The following ZRANB3 variants were observed in gnomAD, a reference collection of about 807,000 sequenced individuals.
The protein encoded by ZRANB3 is DNA annealing helicase and endonuclease ZRANB3.
ZRANB3 carries 125 observed loss-of-function variants against 133.8 expected under a neutral mutation model. The observed-to-expected ratio is 0.93, with a 90% CI of 0.81 to 1.08. ZRANB3 has a LOEUF of 1.08. Among genes scored for constraint, ZRANB3 ranks in the 50% least tolerant of loss-of-function variants. The probability of loss-of-function intolerance (pLI) is 0.00; values close to 1 mark genes in which losing one functional copy is unlikely to be tolerated. For missense variants in ZRANB3, 1,229 were observed against 1,275.5 expected, an observed-to-expected ratio of 0.96 and a Z score of 0.56; for synonymous variants, 387 against 432.7, an observed-to-expected ratio of 0.89 and a Z score of 1.31.
At chr2:135,354,948 T>TA (rs1436741229) in intron 3 of ZRANB3, among the ~76,000 whole-genome samples, 7 of 152,176 alleles carry the variant, frequency 4.6e-5, no homozygotes, top group Non-Finnish European at 1.5e-5. Context: ...TTTTAGTAGT[T>TA]ACTATGGCAA....
intron 1 of ZRANB3, among the ~76,000 whole-genome samples, chr2:135,521,945 G>A (rs779570478): frequency 1.3e-5 from 2 of 152,110 alleles, no homozygotes; most frequent in Admixed American, 6.5e-5. Context: ...GACACCCATG[G>A]GGAGCCATGG....
chr2:135,461,413 T>C (rs1677046838), intron 2 of ZRANB3, among the ~76,000 whole-genome samples: 1 of 152,028 alleles, frequency 6.6e-6, no homozygotes, highest in South Asian at 2.1e-4. Context: ...CTACTAAAAA[T>C]ACAAAAAATT....
At chr2:135,502,182 G>T (rs1692980229) in intron 2 of ZRANB3, among the ~76,000 whole-genome samples, 1 of 151,974 alleles carries the variant, frequency 6.6e-6, no homozygotes, top group Non-Finnish European at 1.5e-5. Context: ...GTTTCCATTT[G>T]CCAAAAAACA....
chr2:135,210,322 T>TTTTAC lies in ZRANB3; in HGVS notation c.2496-1345_2496-1344insGTAAA, dbSNP rs1289205147. On this transcript the variant is annotated intron_variant, in intron 17 of 20. Coordinates refer to ENST00000264159, the MANE Select transcript of ZRANB3 (RefSeq NM_032143.4). ...CTTTGCAGAAATGCTGATTAATTCA[T>TTTTAC]TTTATTTTATTTTATTTTATTTTAT... Among the ~76,000 whole-genome samples the TTTTAC allele has an allele frequency of 5.9e-5, 9 of 152,078 alleles. No homozygotes were observed. The South Asian group carries it at 1.9e-3, about 32-fold the overall frequency.
chr2:135,344,845 T>C (rs988723754), intron 6 of ZRANB3, among the ~76,000 whole-genome samples: 1 of 152,178 alleles, frequency 6.6e-6, no homozygotes, highest in African/African-American at 2.4e-5. Context: ...AACTGCAGAA[T>C]AATGCACAAA....
At chr2:135,465,331 T>C (rs1417472622) in intron 2 of ZRANB3, among the ~76,000 whole-genome samples, 5 of 146,440 alleles carry the variant, frequency 3.4e-5, no homozygotes, top group African/African-American at 1.3e-4. Flanking sequence ...TGACAACTTA[T>C]CAAAGAACAC....
At chr2:135,441,741 C>A (rs1025148405) in intron 2 of ZRANB3, among the ~76,000 whole-genome samples, 1 of 151,814 alleles carries the variant, frequency 6.6e-6, no homozygotes, top group Non-Finnish European at 1.5e-5. Flanking sequence ...CTCAAGTAGA[C>A]TGAGATATGT....
At chr2:135,288,873 C>T (rs1321479867) in intron 8 of ZRANB3, among the ~76,000 whole-genome samples, 1 of 141,296 alleles carries the variant, frequency 7.1e-6, no homozygotes, top group Non-Finnish European at 1.6e-5. Flanking sequence ...CTTCATTTAT[C>T]GTGTGTGTGT....
At chr2:135,522,399 CTCTT>C (rs751130337) in intron 1 of ZRANB3, among the ~76,000 whole-genome samples, 3 of 152,184 alleles carry the variant, frequency 2.0e-5, no homozygotes, top group Non-Finnish European at 2.9e-5. Flanking sequence ...CTTATTCTGT[CTCTT>C]TCTAATTCCT....
intron 8 of ZRANB3, among the ~76,000 whole-genome samples, chr2:135,293,437 A>G (rs1459988685): frequency 1.3e-5 from 2 of 152,190 alleles, no homozygotes; most frequent in Admixed American, 1.3e-4. Flanking sequence ...ATTTTTGCAC[A>G]TTGATTTTGT....
chr2:135,307,054 T>C (rs539696593), intron 8 of ZRANB3, among the ~76,000 whole-genome samples: 1 of 152,270 alleles, frequency 6.6e-6, no homozygotes, highest in Non-Finnish European at 1.5e-5. Flanking sequence ...TTTTATTTTA[T>C]TTTACTTTAT....
intron 2 of ZRANB3, among the ~76,000 whole-genome samples, chr2:135,425,032 T>G (rs2104973599): frequency 6.6e-6 from 1 of 152,152 alleles, no homozygotes; most frequent in South Asian, 2.1e-4. Flanking sequence ...TTCCAAAAAC[T>G]AGACGGCAGA....
At chr2:135,347,666 A>G (rs935526194) in intron 5 of ZRANB3, among the ~76,000 whole-genome samples, 2 of 152,206 alleles carry the variant, frequency 1.3e-5, no homozygotes, top group Non-Finnish European at 2.9e-5. Flanking sequence ...AAATTTTTCT[A>G]AAGTGACTTC....
intron 8 of ZRANB3, among the ~76,000 whole-genome samples, chr2:135,297,185 C>A (rs1343527042): frequency 6.6e-6 from 1 of 152,234 alleles, no homozygotes; most frequent in Non-Finnish European, 1.5e-5. Context: ...GTGGAGCCTA[C>A]AGAGGCAGGC....
chr2:135,432,752 C>CAG (rs1392076547), intron 2 of ZRANB3, among the ~76,000 whole-genome samples: 1 of 152,102 alleles, frequency 6.6e-6, no homozygotes, highest in Non-Finnish European at 1.5e-5. Context: ...TAAAATGTCT[C>CAG]AAAGAAGGCC....
intron 6 of ZRANB3, among the ~76,000 whole-genome samples, chr2:135,317,110 TAA>T (rs1253888873): frequency 1.3e-5 from 2 of 151,836 alleles, no homozygotes; most frequent in South Asian, 4.2e-4. Flanking sequence ...TTTACTTGTT[TAA>T]AAAATCTAAG....
At chr2:135,322,883 G>A (rs934570995) in intron 6 of ZRANB3, among the ~76,000 whole-genome samples, 8 of 151,992 alleles carry the variant, frequency 5.3e-5, no homozygotes, top group Non-Finnish European at 7.4e-5. Flanking sequence ...TATGAGTGGT[G>A]GCGGGCACCT....
intron 2 of ZRANB3, among the ~76,000 whole-genome samples, chr2:135,499,245 T>C (rs1227509787): frequency 6.6e-6 from 1 of 152,198 alleles, no homozygotes; most frequent in Non-Finnish European, 1.5e-5. Context: ...CCATGTTGAA[T>C]ACTGGGGGCT....
At chr2:135,202,618 G>T in intron 20 of ZRANB3, 1 of 430,516 alleles carries the variant, frequency 2.3e-6, no homozygotes, top group Non-Finnish European at 4.1e-6. Flanking sequence ...CAAATGTCTT[G>T]GTCCTAGAAT....
Sources: allele counts gnomAD v4.1 joint callset (sites outside exome capture counted in the v4.1 genomes callset), GRCh38; gene constraint gnomAD v4.1.1; transcripts MANE v1.5; gene names NCBI Gene and HGNC (gene_info 2026-07-23, HGNC 2026-07-21).